NSD2: variants seen among roughly 807,000 people sequenced by gnomAD.
NSD2 encodes nuclear receptor binding SET domain protein 2.
In NSD2, 12 loss-of-function variants were observed where a neutral mutation model predicts 139.0. That is an observed-to-expected ratio of 0.09 (90% confidence interval 0.06 to 0.14). NSD2 has a LOEUF of 0.14. Among genes scored for constraint, NSD2 ranks in the 10% least tolerant of loss-of-function variants. The probability of loss-of-function intolerance (pLI) is 1.00; values close to 1 mark genes in which losing one functional copy is unlikely to be tolerated. For missense variants in NSD2, 1,155 were observed against 1,745.0 expected, an observed-to-expected ratio of 0.66 and a Z score of 6.02; for synonymous variants, 669 against 648.7, an observed-to-expected ratio of 1.03 and a Z score of -0.48.
At position 1,894,675 on chromosome 4, in the gene NSD2, A is replaced by T. The variant is rs575081194; in HGVS notation, c.-29-5951A>T. ...CAACAGAGGAAGACCCTGTCTCAAT[A>T]AAAAAAAAAAAAAAAATGAAAAGAA... On this transcript the variant is annotated intron_variant, in intron 1 of 21. Transcript: ENST00000508803. 4.6e-3 allele frequency among the ~76,000 whole-genome samples: 565 copies of T among 123,434 alleles called. 1 individual carries two copies. The highest frequency in any genetic ancestry group is 0.019 in the African/African-American group (502 of 25,760). 81.0% of individuals were successfully genotyped at this position (123,434 alleles called of 152,430 possible). A position where few individuals can be genotyped will look rare whatever the true frequency, so the allele number is the denominator to read the frequency against.
intron 19 of NSD2, 21 bp from the exon 20 acceptor site, chr4:1,975,273 G>A (rs376936974): frequency 6.2e-7 from 1 of 1,611,962 alleles, no homozygotes; most frequent in Non-Finnish European, 8.5e-7. Flanking sequence ...CCAATTTGGT[G>A]TCTGTCTCCT....
chr4:1,963,786 G>T (rs1334406037), intron 18 of NSD2, among the ~76,000 whole-genome samples: 1 of 152,202 alleles, frequency 6.6e-6, no homozygotes, highest in Non-Finnish European at 1.5e-5. Flanking sequence ...GGCCGAGTTG[G>T]GAGGGTCACT....
intron 1 of NSD2, among the ~76,000 whole-genome samples, chr4:1,893,193 C>T (rs542520280): frequency 3.7e-4 from 56 of 152,274 alleles, no homozygotes; most frequent in African/African-American, 1.1e-3. Context: ...AGGCCAGGCT[C>T]GGTGGCTTAA....
chr4:1,872,629 A>AGAGAGAGCGC (rs1192046788), intron 1 of NSD2, among the ~76,000 whole-genome samples: 1 of 142,600 alleles, frequency 7.0e-6, no homozygotes, highest in African/African-American at 2.6e-5. Context: ...AGAGAGAGAG[A>AGAGAGAGCGC]GAGAGAGCGC....
chr4:1,888,601 C>G (rs1715294598), intron 1 of NSD2, among the ~76,000 whole-genome samples: 3 of 151,866 alleles, frequency 2.0e-5, no homozygotes, highest in Non-Finnish European at 4.4e-5. Context: ...GAGTCTCACT[C>G]TGTCACCCAG....
In NSD2 at chr4:1,900,808, C is replaced by T. The variant is rs748707745; in HGVS notation, c.154C>T (p.Gln52Ter). Reference protein sequence around the residue: ...RECSVFLSKAQLSSSLQEGVM... With the variant: ...RECSVFLSKA ...GTGTTCTGTGTTCCTCAGCAAAGCC[C>T]AGCTCTCCAGTAGCCTGCAGGAGGG... The change falls in exon 2 of 22, where the codon CAG (glutamine) becomes TAG (stop). Residue 52 changes from glutamine to a stop codon, truncating the protein, a stop_gained. Transcript: ENST00000508803. LOFTEE classifies it high-confidence loss of function. The T allele has an allele frequency of 6.2e-7, 1 of 1,614,112 alleles. No individual in the cohort carries two copies. The highest frequency in any genetic ancestry group is 8.5e-7 in the Non-Finnish European group (1 of 1,180,030).
intron 3 of NSD2, among the ~76,000 whole-genome samples, chr4:1,905,389 T>G (rs1032357548): frequency 4.6e-5 from 7 of 152,242 alleles, no homozygotes; most frequent in Non-Finnish European, 1.0e-4. Context: ...CAGGCCAGAC[T>G]AGGCCAATGC....
In NSD2 at chr4:1,981,869, A is replaced by G; in HGVS notation, c.*2960A>G. ...GACTGTTTGTTAGTCAGTAGAGTAA[A>G]ATGCTGTGTCCACGGGGTGTCACAG... On this transcript the variant is annotated 3_prime_UTR_variant, in exon 22 of 22. Coordinates refer to ENST00000508803, the MANE Select transcript of NSD2 (RefSeq NM_001042424.3). 1 of 398,616 alleles carries G rather than the reference A, an allele frequency of 2.5e-6. No homozygotes were observed. Among genetic ancestry groups the G allele is most frequent in the Non-Finnish European group, 4.4e-6 (1 of 226,066 alleles). 24.7% of individuals were successfully genotyped at this position (398,616 alleles called of 1,614,324 possible). A position where few individuals can be genotyped will look rare whatever the true frequency, so the allele number is the denominator to read the frequency against.
chr4:1,901,309 C>T (rs533840492), intron 2 of NSD2, 58 bp downstream of exon 2: 17 of 1,413,838 alleles, frequency 1.2e-5, no homozygotes, highest in Non-Finnish European at 1.6e-5. Flanking sequence ...GCATGGCCAC[C>T]CTATGAGGGC....
At chr4:1,871,777 C>G (rs1329954592) in intron 1 of NSD2, among the ~76,000 whole-genome samples, 3 of 147,076 alleles carry the variant, frequency 2.0e-5, no homozygotes, top group Non-Finnish European at 4.5e-5. Context: ...CCGCGGAGGC[C>G]TGAGGGCCGG....
intron 6 of NSD2, among the ~76,000 whole-genome samples, chr4:1,932,849 G>A (rs1396233266): frequency 2.0e-5 from 3 of 152,220 alleles, no homozygotes; most frequent in African/African-American, 7.2e-5. Flanking sequence ...TGCTCAGGAG[G>A]TGCTGTGTCG....
In NSD2 at chr4:1,958,608, C is replaced by G. The variant is rs1422180494; in HGVS notation, c.2985+572C>G. ...CATCCCCAGGAGCCTCGTGGCCGTT[C>G]CTGACGAGTGTTTGTGATAAGTGTG... is the stretch of plus-strand genomic sequence containing the variant. On this transcript the variant is annotated intron_variant, in intron 16 of 21. Coordinates refer to ENST00000508803, the MANE Select transcript of NSD2 (RefSeq NM_001042424.3). The surrounding 1 kb of genome is among the most constrained non-coding windows in gnomAD (Gnocchi z 4.6). 1.3e-5 allele frequency among the ~76,000 whole-genome samples: 2 copies of G among 152,254 alleles called. No homozygotes were observed. The highest frequency in any genetic ancestry group is 4.8e-5 in the African/African-American group (2 of 41,478).
intron 17 of NSD2, among the ~76,000 whole-genome samples, chr4:1,960,298 C>G (rs921625157): frequency 2.6e-5 from 4 of 152,220 alleles, no homozygotes; most frequent in African/African-American, 9.7e-5. Context: ...AATGGAAGAT[C>G]TGTGAAGTGA....
At chr4:1,953,043 T>G in intron 11 of NSD2, 5 of 1,447,952 alleles carry the variant, frequency 3.5e-6, no homozygotes, top group Non-Finnish European at 4.5e-6. Context: ...CTTTCAAGCT[T>G]CTTGCCAGTT....
intron 3 of NSD2, among the ~76,000 whole-genome samples, chr4:1,908,233 A>G (rs1045961819): frequency 1.3e-5 from 2 of 152,258 alleles, no homozygotes; most frequent in Non-Finnish European, 2.9e-5. Flanking sequence ...GACCTAGGTC[A>G]GAAAGGCCAG....
At chr4:1,925,406 TTTTTTTTTTTG>T (rs1170345216) in intron 5 of NSD2, among the ~76,000 whole-genome samples, 1 of 140,010 alleles carries the variant, frequency 7.1e-6, no homozygotes, top group Non-Finnish European at 1.5e-5. Context: ...TTTTTTTTTT[TTTTTTTTTTTG>T]AGATGGAGTT....
intron 17 of NSD2, among the ~76,000 whole-genome samples, chr4:1,960,241 C>G (rs908117749): frequency 6.6e-6 from 1 of 152,172 alleles, no homozygotes; most frequent in Non-Finnish European, 1.5e-5. Flanking sequence ...CTCACACATT[C>G]CCTTAAAACA....
At chr4:1,925,523 C>T (rs1186303423) in intron 5 of NSD2, among the ~76,000 whole-genome samples, 5 of 150,496 alleles carry the variant, frequency 3.3e-5, no homozygotes, top group South Asian at 4.2e-4. Context: ...CTCAGCCTCC[C>T]GAGTTGCTGA....
chr4:1,931,907 C>T (rs1179460694), intron 6 of NSD2, among the ~76,000 whole-genome samples: 3 of 152,200 alleles, frequency 2.0e-5, no homozygotes, highest in Non-Finnish European at 4.4e-5. Context: ...AATGAGCCAG[C>T]TCTTCCTGAA....
Sources: gnomAD v4.1 joint callset for allele counts (sites outside exome capture counted in the v4.1 genomes callset) on GRCh38, gnomAD v4.1.1 for gene constraint, Gnocchi (gnomAD v3.1) non-coding constraint, MANE v1.5 for transcripts, NCBI Gene and HGNC (gene_info 2026-07-23, HGNC 2026-07-21) for gene names.